Variants in TFDP2 observed in about 807,000 individuals in gnomAD.
The protein encoded by TFDP2 is transcription factor Dp-2 (E2F dimerization partner 2).
Under a neutral mutation model 59.3 loss-of-function variants are expected in TFDP2, and 17 were observed. That is an observed-to-expected ratio of 0.29 (90% CI 0.20 to 0.43). TFDP2 has a LOEUF of 0.43. TFDP2 is among the 20% of genes least tolerant of loss of function. The pLI is 1.00. For synonymous variants in TFDP2, 180 were observed against 194.7 expected, an observed-to-expected ratio of 0.92 and a Z score of 0.63; for missense variants, 391 against 528.8, an observed-to-expected ratio of 0.74 and a Z score of 2.56.
intron 3 of TFDP2, among the ~76,000 whole-genome samples, chr3:142,055,668 A>G (rs1159305349): frequency 6.6e-6 from 1 of 152,204 alleles, no homozygotes; most frequent in Non-Finnish European, 1.5e-5. Flanking sequence ...TATTGAAGCT[A>G]GTACAATCCT....
chr3:141,992,667 G>A (rs1161238786), intron 6 of TFDP2, among the ~76,000 whole-genome samples: 1 of 152,138 alleles, frequency 6.6e-6, no homozygotes, highest in Non-Finnish European at 1.5e-5. Context: ...AAAACGATTA[G>A]CACCAAGAAG....
chr3:142,025,825 G>A (rs1261770810), intron 3 of TFDP2, among the ~76,000 whole-genome samples: 4 of 152,140 alleles, frequency 2.6e-5, no homozygotes, highest in South Asian at 4.1e-4. Context: ...AAGGCCAGGC[G>A]TGTGGGCGCA....
At chr3:142,101,372 A>T (rs568999232) in intron 2 of TFDP2, among the ~76,000 whole-genome samples, 112 of 152,076 alleles carry the variant, frequency 7.4e-4, no homozygotes, top group African/African-American at 2.0e-3. Flanking sequence ...AAAAAAAAAA[A>T]AATAAGCCAA....
chr3:142,140,401 G>A (rs561851661), intron 1 of TFDP2, among the ~76,000 whole-genome samples: 5 of 152,256 alleles, frequency 3.3e-5, no homozygotes, highest in South Asian at 4.1e-4. Flanking sequence ...GCTTTATGCC[G>A]TTGCTGACGA....
chr3:142,023,112 C>A (rs1297500697), intron 3 of TFDP2, among the ~76,000 whole-genome samples: 1 of 132,288 alleles, frequency 7.6e-6, no homozygotes, highest in Non-Finnish European at 1.6e-5. Flanking sequence ...CAGTGAGACT[C>A]CCTCCGTCTC....
intron 1 of TFDP2, among the ~76,000 whole-genome samples, chr3:142,142,487 G>A (rs2062994944): frequency 6.6e-6 from 1 of 152,148 alleles, no homozygotes; most frequent in South Asian, 2.1e-4. Context: ...CCATGTTCAT[G>A]GATTGAAAGA....
intron 1 of TFDP2, among the ~76,000 whole-genome samples, chr3:142,137,376 T>C (rs1301138055): frequency 6.6e-6 from 1 of 152,196 alleles, no homozygotes; most frequent in East Asian, 1.9e-4. Flanking sequence ...CCTTTATTTC[T>C]TTCTCTTGCC....
At chr3:141,991,146 A>G (rs1471329511) in intron 6 of TFDP2, among the ~76,000 whole-genome samples, 3 of 152,356 alleles carry the variant, frequency 2.0e-5, no homozygotes, top group Non-Finnish European at 2.9e-5. Context: ...TGAAGTTTCA[A>G]AAGAATTACA....
chr3:142,107,758 T>A (rs1222638264), intron 1 of TFDP2, among the ~76,000 whole-genome samples: 2 of 152,164 alleles, frequency 1.3e-5, no homozygotes, highest in Non-Finnish European at 2.9e-5. Context: ...GAATATGAAC[T>A]CAGGATCTCA....
intron 1 of TFDP2, among the ~76,000 whole-genome samples, chr3:142,130,642 T>C (rs188985571): frequency 1.3e-4 from 20 of 152,218 alleles, no homozygotes; most frequent in Admixed American, 5.2e-4. Flanking sequence ...CCGGGAATTA[T>C]TGTTTAATTG....
At position 141,983,258 on chromosome 3, in the gene TFDP2, GC is replaced by G. The variant is rs1559970907; in HGVS notation, c.357-4577del. ...TCCAGTAAGCCACTTTGAAAGTTAA[GC>G]AAAAAATGTCTCTAGTTAAAGAACA... is the stretch of plus-strand genomic sequence containing the variant. On this transcript the variant is annotated intron_variant, in intron 6 of 12. Coordinates refer to ENST00000489671, the MANE Select transcript of TFDP2 (RefSeq NM_001178139.2). Among the ~76,000 whole-genome samples the G allele has an allele frequency of 3.3e-5, 5 of 152,182 alleles. No individual in the cohort carries two copies. In the South Asian group the frequency reaches 6.2e-4, roughly 19 times the overall value.
intron 4 of TFDP2, chr3:142,000,195 C>T: frequency 1.5e-6 from 1 of 684,678 alleles, no homozygotes; most frequent in East Asian, 2.7e-5. Flanking sequence ...TCTTTAAAGT[C>T]TTCTGCAAGG....
At chr3:142,115,600 G>A (rs1292559766) in intron 1 of TFDP2, among the ~76,000 whole-genome samples, 1 of 152,230 alleles carries the variant, frequency 6.6e-6, no homozygotes. Flanking sequence ...TTACAGGCGT[G>A]AGCCACCGCG....
intron 3 of TFDP2, among the ~76,000 whole-genome samples, chr3:142,048,552 C>G (rs1947461759): frequency 6.6e-6 from 1 of 151,784 alleles, no homozygotes; most frequent in African/African-American, 2.4e-5. Flanking sequence ...GAGCCGTTTT[C>G]AACCTCTGAT....
At chr3:141,981,141 T>C (rs552724245) in intron 6 of TFDP2, among the ~76,000 whole-genome samples, 31 of 152,244 alleles carry the variant, frequency 2.0e-4, no homozygotes, top group African/African-American at 7.5e-4. Context: ...TTAAAAAAAA[T>C]CTTTTACAAG....
chr3:141,994,322 A>G (rs1043565148), intron 5 of TFDP2: 1 of 152,242 alleles, frequency 6.6e-6, no homozygotes, highest in Non-Finnish European at 1.5e-5. Flanking sequence ...CACATATGAC[A>G]GAATCACCAA....
At chr3:142,080,018 C>G (rs572550371) in intron 3 of TFDP2, among the ~76,000 whole-genome samples, 1 of 152,322 alleles carries the variant, frequency 6.6e-6, no homozygotes, top group East Asian at 1.9e-4. Flanking sequence ...GGCTGGAGTG[C>G]AGTGGCACGA....
At chr3:141,968,762 CAT>C (rs1314308994) in intron 9 of TFDP2, among the ~76,000 whole-genome samples, 6 of 69,830 alleles carry the variant, frequency 8.6e-5, no homozygotes, top group South Asian at 7.4e-4. Flanking sequence ...ATATATATAA[CAT>C]ATATATCTCA....
intron 3 of TFDP2, among the ~76,000 whole-genome samples, chr3:142,077,934 T>A (rs1385940656): frequency 6.6e-6 from 1 of 152,048 alleles, no homozygotes; most frequent in Non-Finnish European, 1.5e-5. Flanking sequence ...CTACTCTGGA[T>A]GAGAGAGGAG....
Sources: allele counts gnomAD v4.1 joint callset (sites outside exome capture counted in the v4.1 genomes callset), GRCh38; gene constraint gnomAD v4.1.1; transcripts MANE v1.5; gene names NCBI Gene and HGNC (gene_info 2026-07-23, HGNC 2026-07-21).